Variants in SIX4 observed in about 807,000 individuals in gnomAD.
SIX4 encodes homeobox protein SIX4.
A neutral mutation model predicts 51.5 loss-of-function variants in SIX4; 23 were observed. The ratio of observed to expected loss-of-function variants is 0.45; its 90% CI spans 0.32 to 0.63. The LOEUF (loss-of-function observed/expected upper bound fraction) is 0.63, where lower values mean the gene tolerates loss of function less well. Ranked by LOEUF, SIX4 falls within the 30% of genes least tolerant of loss-of-function variation. The pLI, the probability that SIX4 is intolerant of heterozygous loss-of-function variation, is 0.04. For missense variants in SIX4, 867 were observed against 984.0 expected (o/e 0.88, Z 1.59); for synonymous variants, 413 against 417.3 (o/e 0.99, Z 0.13).
In SIX4 at chr14:60,712,975, T is replaced by C. The variant is rs1359514488; in HGVS notation, c.*432A>G. The C allele has an allele frequency of 6.4e-6, 1 of 156,280 alleles. No homozygotes were observed. Among genetic ancestry groups the C allele is most frequent in the Non-Finnish European group, 1.4e-5 (1 of 70,660 alleles). 9.7% of individuals were successfully genotyped at this position (156,280 alleles called of 1,614,324 possible). ...TAAAAATATGTACCATTTATGTTTC[T>C]TAACCTTTTCAATGCCCATGGAGTA... On this transcript the variant is annotated 3_prime_UTR_variant, in exon 3 of 3. Coordinates refer to ENST00000216513, the MANE Select transcript of SIX4 (RefSeq NM_017420.5).
chr14:60,710,776 T>C lies in SIX4; in HGVS notation c.*2631A>G, dbSNP rs1229217754. 6.6e-6 allele frequency: 1 copy of C among 152,558 alleles called. No homozygotes were observed. The highest frequency in any genetic ancestry group is 1.5e-5 in the Non-Finnish European group (1 of 68,002). The allele number at this position is 152,558 out of a possible 1,614,324, so 9.5% of individuals were successfully genotyped here. A position where few individuals can be genotyped will look rare whatever the true frequency, so the allele number is the denominator to read the frequency against. On this transcript the variant is annotated 3_prime_UTR_variant, in exon 3 of 3. Coordinates refer to ENST00000216513, the MANE Select transcript of SIX4 (RefSeq NM_017420.5). ...ACTGGCCCTTATTCAACTGAAAGAA[T>C]AGAAAAGAACAATAAGTTCTTTATA... is the stretch of plus-strand genomic sequence containing the variant.
chr14:60,723,866 C>T lies in SIX4; in HGVS notation c.209G>A (p.Gly70Glu). 3 of 1,544,202 alleles carry T rather than the reference C, an allele frequency of 1.9e-6. No individual in the cohort carries two copies. The South Asian group carries it at 3.6e-5, about 19-fold the overall frequency. Residue 70 changes from glycine (G) to glutamate (E), a missense_variant, in exon 1 of 3, where the codon GGG (glycine) becomes GAG (glutamate). By Grantham distance (98) the Gly-to-Glu change is moderately conservative. Transcript: ENST00000216513. ...TCCGGCCGCCGCCGCCGCCACTGCC[C>T]CTTCCTCTCCGCTCACCCTGGCGGC... ...TAAARVSGEE[G>E]AVAAAAAGAA...
chr14:60,719,710 G>A lies in SIX4; in HGVS notation c.1549+50C>T. ...ATCACCAAATGCGTCACTTACAGCA[G>A]CTGATGAACACATTTGCTGGTGCAT... On this transcript the variant is annotated intron_variant, in intron 2 of 2. Coordinates refer to ENST00000216513, the MANE Select transcript of SIX4 (RefSeq NM_017420.5). This position sits in a 1 kb window ranked among gnomAD's most constrained non-coding sequence, Gnocchi z 4.9. 6.4e-7 allele frequency: 1 copy of A among 1,554,060 alleles called. No individual in the cohort carries two copies. Among genetic ancestry groups the A allele is most frequent in the Non-Finnish European group, 8.8e-7 (1 of 1,137,400 alleles).
rs763462190 is a variant in SIX4 at position 60,714,125 on chromosome 14, A to G, written c.1628T>C (p.Val543Ala). The G allele has an allele frequency of 6.2e-7, 1 of 1,613,646 alleles. No homozygotes were observed. The highest frequency in any genetic ancestry group is 1.1e-5 in the South Asian group (1 of 91,032). The part of the protein sequence containing the change: ...SESTTVQQGK[V>A]FLSSLAPSAV... ...ACTGGGAGCAAGAGAGCTCAAGAAA[A>G]CCTTTCCTTGCTGGACTGTGGTAGA... Residue 543 changes from valine to alanine, a missense_variant, in exon 3 of 3, where the codon GTT becomes GCT. Val to Ala is a moderately conservative substitution (Grantham distance 64). Transcript: ENST00000216513.
chr14:60,716,314 G>A (rs566369088), intron 2 of SIX4, among the ~76,000 whole-genome samples: 84 of 152,012 alleles, frequency 5.5e-4, no homozygotes, highest in African/African-American at 2.0e-3. Flanking sequence ...GTGCGGTGGT[G>A]CAATCTTGGC....
rs1352714360 is a variant in SIX4 at position 60,720,148 on chromosome 14, C to T, written c.1161G>A (p.Gln387=). Residue 387 remains glutamine, a synonymous_variant, in exon 2 of 3, where the codon CAG becomes CAA. Coordinates refer to ENST00000216513, the MANE Select transcript of SIX4 (RefSeq NM_017420.5). This position sits in a 1 kb window ranked among gnomAD's most constrained non-coding sequence, Gnocchi z 5.5. ...ILNGLNVGNT[Q]AVALNPPKMS... is the part of the protein sequence containing the mutation. ...TTTTTGGTGGGTTCAATGCCACTGCCTGTGTATTTCCCACATTTAATCCAT... is the reference window on the plus strand; with the variant it reads ...TTTTTGGTGGGTTCAATGCCACTGCTTGTGTATTTCCCACATTTAATCCAT... The T allele has an allele frequency of 6.2e-7, 1 of 1,614,172 alleles. No homozygotes were observed. Among genetic ancestry groups the T allele is most frequent in the South Asian group, 1.1e-5 (1 of 91,080 alleles).
In SIX4 at chr14:60,723,955, C is replaced by A; in HGVS notation, c.120G>T (p.Ala40=). 6.6e-7 allele frequency: 1 copy of A among 1,510,778 alleles called. No individual in the cohort carries two copies. The highest frequency in any genetic ancestry group is 1.4e-5 in the African/African-American group (1 of 70,780). The allele number at this position is 1,510,778 out of a possible 1,614,324, so 93.6% of individuals were successfully genotyped here. ...EAHREVAGGA[A]VGLSPPAPAP... is the part of the protein sequence containing the mutation. ...CTGGAGCCGGGGGGCTCAGCCCTAC[C>A]GCCGCGCCCCCCGCCACTTCTCGGT... The change falls in exon 1 of 3, where the codon GCG becomes GCT. Residue 40 remains alanine (A), a synonymous_variant. Coordinates refer to ENST00000216513, the MANE Select transcript of SIX4 (RefSeq NM_017420.5).
intron 2 of SIX4, among the ~76,000 whole-genome samples, chr14:60,714,671 C>CT (rs543848316): frequency 0.044 from 6,373 of 143,612 alleles, 214 homozygotes; most frequent in African/African-American, 0.098. Context: ...CTTATTATTT[C>CT]TTTTTTTTTT....
rs902781940 is a variant in SIX4 at position 60,711,470 on chromosome 14, C to T, written c.*1937G>A. The T allele has an allele frequency of 2.6e-5, 4 of 151,918 alleles. No homozygotes were observed. Among genetic ancestry groups the T allele is most frequent in the Admixed American group, 6.6e-5 (1 of 15,238 alleles). The allele number at this position is 151,918 out of a possible 1,614,324, so 9.4% of individuals were successfully genotyped here. A position where few individuals can be genotyped will look rare whatever the true frequency, so the allele number is the denominator to read the frequency against. ...GACATGTAGAGAACTAGAGTGGGCCCTTTGTTCTGATCATAAAAAAAAAAG... is the reference window on the plus strand; with the variant it reads ...GACATGTAGAGAACTAGAGTGGGCCTTTTGTTCTGATCATAAAAAAAAAAG... On this transcript the variant is annotated 3_prime_UTR_variant, in exon 3 of 3. Coordinates refer to ENST00000216513, the MANE Select transcript of SIX4 (RefSeq NM_017420.5).
At chr14:60,718,349 T>C (rs537484024) in intron 2 of SIX4, among the ~76,000 whole-genome samples, 10 of 152,304 alleles carry the variant, frequency 6.6e-5, no homozygotes, top group African/African-American at 2.2e-4. Context: ...CTTATTCCTA[T>C]TAAATGTCCC....
At position 60,713,685 on chromosome 14, in the gene SIX4, G is replaced by C. The variant is rs1170377595; in HGVS notation, c.2068C>G (p.Pro690Ala). ...TGACCTACCTGATCTTCAGCTGTAGGAACTATTTCCCCAAGGGCAGCCTGA... is the reference window on the plus strand; with the variant it reads ...TGACCTACCTGATCTTCAGCTGTAGCAACTATTTCCCCAAGGGCAGCCTGA... The part of the protein sequence containing the change: ...MTQAALGEIV[P>A]TAEDQVGHPS... The change falls in exon 3 of 3, where the codon CCT becomes GCT. Residue 690 changes from proline to alanine, a missense_variant. Pro to Ala is a conservative substitution (Grantham distance 27). Coordinates refer to ENST00000216513, the MANE Select transcript of SIX4 (RefSeq NM_017420.5). 1 of 1,614,212 alleles carries C rather than the reference G, an allele frequency of 6.2e-7. No individual in the cohort carries two copies. The highest frequency in any genetic ancestry group is 8.5e-7 in the Non-Finnish European group (1 of 1,180,036).
chr14:60,717,580 A>G lies in SIX4; in HGVS notation c.1549+2180T>C, dbSNP rs1328766450. 2.0e-5 allele frequency among the ~76,000 whole-genome samples: 3 copies of G among 152,262 alleles called. No individual in the cohort carries two copies. The highest frequency in any genetic ancestry group is 2.9e-5 in the Non-Finnish European group (2 of 68,048). ...ATATAAATACTTCTGAATTTGTAGA[A>G]ATTATAACATATATAAAAGAGAATT... On this transcript the variant is annotated intron_variant, in intron 2 of 2. Transcript: ENST00000216513. This position sits in a 1 kb window ranked among gnomAD's most constrained non-coding sequence, Gnocchi z 4.6.
rs1895834703 is a variant in SIX4, at chr14:60,712,138, T to C, written c.*1269A>G. On this transcript the variant is annotated 3_prime_UTR_variant, in exon 3 of 3. Coordinates refer to ENST00000216513, the MANE Select transcript of SIX4 (RefSeq NM_017420.5). Reference sequence around the variant, plus strand: ...CAGGACAGAATTTTGCTCAATAGAATTTACATATTTTCTTTCCTTTAAAAT... The same window carrying C: ...CAGGACAGAATTTTGCTCAATAGAACTTACATATTTTCTTTCCTTTAAAAT... 6.6e-6 allele frequency: 1 copy of C among 152,640 alleles called. No individual in the cohort carries two copies. The highest frequency in any genetic ancestry group is 1.5e-5 in the Non-Finnish European group (1 of 68,034). The allele number at this position is 152,640 out of a possible 1,614,324, so 9.5% of individuals were successfully genotyped here.
Position 60,723,462 on chromosome 14 carries a change from C to G in SIX4, c.613G>C (p.Val205Leu). The change falls in exon 1 of 3, where the codon GTA (valine) becomes CTA (leucine). Residue 205 changes from valine (V) to leucine (L), a missense_variant. Coordinates refer to ENST00000216513, the MANE Select transcript of SIX4 (RefSeq NM_017420.5). The stretch of plus-strand genomic sequence containing the variant: ...TTCCTGCGCAGCCGGTACTTGTCTA[C>G]GGCTCCCAGCGGCCGGCCGCGGGCT... ...ERARGRPLGA[V>L]DKYRLRRKFP... 1 of 1,607,668 alleles carries G rather than the reference C, an allele frequency of 6.2e-7. No individual in the cohort carries two copies. Among genetic ancestry groups the G allele is most frequent in the Non-Finnish European group, 8.5e-7 (1 of 1,179,596 alleles).
chr14:60,722,947 G>T lies in SIX4; in HGVS notation c.863+265C>A. ...CTGGGCAGCAGTGACCAGCCGAGGT[G>T]GGGGCGGGGACTGAGACCTAGGCGG... On this transcript the variant is annotated intron_variant, in intron 1 of 2. Coordinates refer to ENST00000216513, the MANE Select transcript of SIX4 (RefSeq NM_017420.5). The surrounding 1 kb of genome is among the most constrained non-coding windows in gnomAD (Gnocchi z 5.9). 3.8e-6 allele frequency: 2 copies of T among 530,470 alleles called. No homozygotes were observed. The highest frequency in any genetic ancestry group is 6.4e-6 in the Non-Finnish European group (2 of 313,826). The allele number at this position is 530,470 out of a possible 1,614,324, so 32.9% of individuals were successfully genotyped here.
chr14:60,714,172 A>C lies in SIX4; in HGVS notation c.1581T>G (p.Asp527Glu). Residue 527 changes from aspartate to glutamate, a missense_variant, in exon 3 of 3, where the codon GAT (aspartate) becomes GAG (glutamate). Physicochemically the swap from Asp to Glu is conservative, Grantham distance 45. Coordinates refer to ENST00000216513, the MANE Select transcript of SIX4 (RefSeq NM_017420.5). ...TAGACTCACTTGTAAATGTGCTTCC[A>C]TCTGAAGTGCTTGAGCTTACTGAGA... ...GNISVSSSTS[D>E]GSTFTSESTT... 1 of 1,605,068 alleles carries C rather than the reference A, an allele frequency of 6.2e-7. No individual in the cohort carries two copies. The highest frequency in any genetic ancestry group is 8.5e-7 in the Non-Finnish European group (1 of 1,178,236).
At chr14:60,715,514 A>G (rs1170031147) in intron 2 of SIX4, among the ~76,000 whole-genome samples, 1 of 152,238 alleles carries the variant, frequency 6.6e-6, no homozygotes, top group East Asian at 1.9e-4. Flanking sequence ...ATTAATGGTA[A>G]TAAGAAATGT....
At chr14:60,721,448 G>A (rs572798831) in intron 1 of SIX4, among the ~76,000 whole-genome samples, 1 of 152,332 alleles carries the variant, frequency 6.6e-6, no homozygotes, top group South Asian at 2.1e-4. Context: ...GCCGAGGGGA[G>A]GGGATTACCC....
rs1895867859 is a variant in SIX4 at position 60,713,840 on chromosome 14, G to T, written c.1913C>A (p.Ala638Asp). 6.2e-7 allele frequency: 1 copy of T among 1,614,046 alleles called. No individual in the cohort carries two copies. The highest frequency in any genetic ancestry group is 1.7e-5 in the Admixed American group (1 of 60,008). ...CGGTGCAGACATTGGTTGGCTATCG[G>T]CAATGTCGCGGTTTAGCTCAGTGGG... is the stretch of plus-strand genomic sequence containing the variant. ...LNPTELNRDI[A>D]DSQPMSAPVA... The change falls in exon 3 of 3, where the codon GCC (alanine) becomes GAC (aspartate). Residue 638 changes from alanine (A) to aspartate (D), a missense_variant. Transcript: ENST00000216513.
Sources: gnomAD v4.1 joint callset for allele counts (sites outside exome capture counted in the v4.1 genomes callset) on GRCh38, gnomAD v4.1.1 for gene constraint, Gnocchi (gnomAD v3.1) non-coding constraint, MANE v1.5 for transcripts, NCBI Gene and HGNC (gene_info 2026-07-23, HGNC 2026-07-21) for gene names.